The following HEY2 variants were observed in gnomAD, a reference collection of about 807,000 sequenced individuals.
HEY2 encodes hes related family bHLH transcription factor with YRPW motif 2.
Under a neutral mutation model 18.1 loss-of-function variants are expected in HEY2, and 10 were observed. That is an observed-to-expected ratio of 0.55 (90% CI 0.34 to 0.94). The LOEUF (loss-of-function observed/expected upper bound fraction) is 0.94, where lower values mean the gene tolerates loss of function less well. Ranked by LOEUF, HEY2 falls within the 40% of genes least tolerant of loss-of-function variation. The pLI, the probability that HEY2 is intolerant of heterozygous loss-of-function variation, is 0.02. For synonymous variants in HEY2, 210 were observed against 182.7 expected (o/e 1.15, Z -1.21); for missense variants, 455 against 455.9 (o/e 1.00, Z 0.02).
In HEY2 at chr6:125,759,488, G is replaced by C; in HGVS notation, c.700G>C (p.Ala234Pro). 6.2e-7 allele frequency: 1 copy of C among 1,611,310 alleles called. No individual in the cohort carries two copies. Among genetic ancestry groups the C allele is most frequent in the Non-Finnish European group, 8.5e-7 (1 of 1,179,982 alleles). Residue 234 changes from alanine to proline, a missense_variant, in exon 5 of 5, where the codon GCG becomes CCG. Physicochemically the swap from Ala to Pro is conservative, Grantham distance 27. Transcript: ENST00000368364. ...TCTCCTCACGGCCACGTTTGCCCAT[G>C]CGGATTCAGCCCTCCGAATGCCATC... The part of the protein sequence containing the change: ...SALLTATFAH[A>P]DSALRMPSTG...
intron 3 of HEY2, 145 bp downstream of exon 3, chr6:125,752,235 C>A: frequency 1.7e-6 from 1 of 598,640 alleles, no homozygotes; most frequent in Non-Finnish European, 3.0e-6. Context: ...TGATCTGGCA[C>A]AGAGCAGCTA....
chr6:125,754,093 C>T (rs1259788776), intron 3 of HEY2, among the ~76,000 whole-genome samples: 1 of 152,174 alleles, frequency 6.6e-6, no homozygotes, highest in Non-Finnish European at 1.5e-5. Context: ...TTATAGAAGA[C>T]TATTGATGCC....
intron 4 of HEY2, among the ~76,000 whole-genome samples, chr6:125,755,442 G>A (rs1376910211): frequency 1.3e-5 from 2 of 152,164 alleles, no homozygotes; most frequent in African/African-American, 2.4e-5. Context: ...TAAGGAGAAG[G>A]TATCAGAAGG....
chr6:125,752,886 G>A (rs1005098701), intron 3 of HEY2, among the ~76,000 whole-genome samples: 3 of 152,156 alleles, frequency 2.0e-5, no homozygotes, highest in Admixed American at 1.3e-4. Context: ...ATTCCAATAA[G>A]ACAACAGTTG....
At position 125,759,257 on chromosome 6, in the gene HEY2, C is replaced by G. The variant is rs1300996414; in HGVS notation, c.469C>G (p.Leu157Val). 4 of 1,608,888 alleles carry G rather than the reference C, an allele frequency of 2.5e-6. No individual in the cohort carries two copies. Among genetic ancestry groups the G allele is most frequent in the Non-Finnish European group, 3.4e-6 (4 of 1,180,014 alleles). The change falls in exon 5 of 5, where the codon CTC becomes GTC. Residue 157 changes from leucine (L) to valine (V), a missense_variant. Transcript: ENST00000368364. ...GCTGCGGGTGCGGCTTGTGTCTCAT[C>G]TCAGCACTTGCGCCACCCAGCGGGA... The part of the protein sequence containing the change: ...DPLRVRLVSH[L>V]STCATQREAA...
rs866204543 is a variant in HEY2, at chr6:125,759,641, G to T, written c.853G>T (p.Ala285Ser). The change falls in exon 5 of 5, where the codon GCA becomes TCA. Residue 285 changes from alanine (A) to serine (S), a missense_variant. Coordinates refer to ENST00000368364, the MANE Select transcript of HEY2 (RefSeq NM_012259.3). ...CAGCTTCCCTCTGTCCTTCGCGGGGGCATTCCCCATGCTTCCCCCAAACGC... is the reference window on the plus strand; with the variant it reads ...CAGCTTCCCTCTGTCCTTCGCGGGGTCATTCCCCATGCTTCCCCCAAACGC... ...AHSFPLSFAG[A>S]FPMLPPNAAA... 2 of 1,610,942 alleles carry T rather than the reference G, an allele frequency of 1.2e-6. No individual in the cohort carries two copies. The highest frequency in any genetic ancestry group is 2.2e-5 in the East Asian group (1 of 44,886).
At chr6:125,754,590 C>A in intron 4 of HEY2, 44 bp downstream of exon 4, 1 of 1,066,882 alleles carries the variant, frequency 9.4e-7, no homozygotes, top group Non-Finnish European at 1.4e-6. Flanking sequence ...CCTTTTTTAC[C>A]TTTCTCTTTT....
intron 4 of HEY2, among the ~76,000 whole-genome samples, chr6:125,757,424 G>T (rs555011440): frequency 6.6e-6 from 1 of 152,050 alleles, no homozygotes; most frequent in Non-Finnish European, 1.5e-5. Flanking sequence ...ATATTCTCTT[G>T]GTATCAGCTT....
chr6:125,757,298 T>G (rs183975846), intron 4 of HEY2, among the ~76,000 whole-genome samples: 286 of 152,344 alleles, frequency 1.9e-3, no homozygotes, highest in Middle Eastern at 0.01. Flanking sequence ...AATCTTTCCA[T>G]GAATACCTCT....
At chr6:125,757,682 C>T (rs1269636523) in intron 4 of HEY2, among the ~76,000 whole-genome samples, 1 of 152,206 alleles carries the variant, frequency 6.6e-6, no homozygotes, top group South Asian at 2.1e-4. Context: ...GGTGTGGTGG[C>T]TCACGCCTGT....
In HEY2 at chr6:125,759,085, CT is replaced by C. The variant is rs762233099; in HGVS notation, c.329-31del. 1.1e-5 allele frequency: 17 copies of C among 1,537,680 alleles called. No individual in the cohort carries two copies. The Admixed American group carries it at 3.2e-4, about 29-fold the overall frequency. On this transcript the variant is annotated intron_variant, in intron 4 of 4. Transcript: ENST00000368364. ...CCCCTACCTCCCGCCCATCTCTCTC[CT>C]GTTCCCTACTTTGCTCAAACCCACT... is the stretch of plus-strand genomic sequence containing the variant.
At chr6:125,750,805 G>A (rs1422704824) in intron 1 of HEY2, among the ~76,000 whole-genome samples, 1 of 152,190 alleles carries the variant, frequency 6.6e-6, no homozygotes, top group Non-Finnish European at 1.5e-5. Flanking sequence ...CCGTAAAGAA[G>A]GGGTGAAAAT....
chr6:125,754,019 C>T (rs1021798563), intron 3 of HEY2, among the ~76,000 whole-genome samples: 2 of 152,130 alleles, frequency 1.3e-5, no homozygotes, highest in African/African-American at 4.8e-5. Context: ...ATTTAACAAT[C>T]AATTGCTAAA....
intron 4 of HEY2, 99 bp from the exon 5 acceptor site, chr6:125,759,018 G>A: frequency 1.3e-6 from 1 of 798,678 alleles, no homozygotes; most frequent in Non-Finnish European, 2.0e-6. Flanking sequence ...GGACAGAGTG[G>A]AACATCAGTG....
At chr6:125,756,212 A>G (rs182600117) in intron 4 of HEY2, among the ~76,000 whole-genome samples, 1 of 152,344 alleles carries the variant, frequency 6.6e-6, no homozygotes, top group East Asian at 1.9e-4. Context: ...AGTAGGCTCC[A>G]TACACGTCAC....
At position 125,749,865 on chromosome 6, in the gene HEY2, CGCGGGCTCCGCGGGA is replaced by C. The variant is rs1357675581; in HGVS notation, c.83+11_83+25del. On this transcript the variant is annotated splice_region_variant and intron_variant, in intron 1 of 4. Transcript: ENST00000368364. The stretch of plus-strand genomic sequence containing the variant: ...AGCGAGAACAATTACTCGGGGTGAG[CGCGGGCTCCGCGGGA>C]GCGGCCCGCAGCTCGGGAGCTTGGG... The C allele has an allele frequency of 2.6e-5, 41 of 1,559,738 alleles. No individual in the cohort carries two copies. Among genetic ancestry groups the C allele is most frequent in the Non-Finnish European group, 3.5e-5 (40 of 1,151,928 alleles).
rs1461961614 is a variant in HEY2, at chr6:125,760,777, G to C, written c.*975G>C. On this transcript the variant is annotated 3_prime_UTR_variant, in exon 5 of 5. Transcript: ENST00000368364. The stretch of plus-strand genomic sequence containing the variant: ...TCCTAATGATGCAACATCTATTCTT[G>C]TCACCCTTTGGGAGAAGTTACATTT... The C allele has an allele frequency of 6.6e-6, 1 of 152,498 alleles. No homozygotes were observed. The highest frequency in any genetic ancestry group is 1.5e-5 in the Non-Finnish European group (1 of 68,008). The allele number at this position is 152,498 out of a possible 1,614,324, so 9.4% of individuals were successfully genotyped here. A position where few individuals can be genotyped will look rare whatever the true frequency, so the allele number is the denominator to read the frequency against.
At chr6:125,750,467 C>T in intron 1 of HEY2, 1 of 898,430 alleles carries the variant, frequency 1.1e-6, no homozygotes, top group Non-Finnish European at 1.3e-6. Flanking sequence ...AGAAGCCAGA[C>T]CTCCACTTTC....
chr6:125,758,199 A>G (rs1202646937), intron 4 of HEY2, among the ~76,000 whole-genome samples: 1 of 152,150 alleles, frequency 6.6e-6, no homozygotes, highest in Non-Finnish European at 1.5e-5. Context: ...AGACATTATT[A>G]TTTTCTATTC....
Sources: allele counts gnomAD v4.1 joint callset (sites outside exome capture counted in the v4.1 genomes callset), GRCh38; gene constraint gnomAD v4.1.1; transcripts MANE v1.5; gene names NCBI Gene and HGNC (gene_info 2026-07-23, HGNC 2026-07-21).